The following FBXL13 variants were observed in gnomAD, a reference collection of about 807,000 sequenced individuals.
FBXL13 encodes the protein F-box and leucine-rich repeat protein 13.
Under a neutral mutation model 83.6 loss-of-function variants are expected in FBXL13, and 67 were observed. That is an observed-to-expected ratio of 0.80 (90% CI 0.66 to 0.98). FBXL13 has a LOEUF of 0.98. Among genes scored for constraint, FBXL13 ranks in the 50% least tolerant of loss-of-function variants. The pLI, the probability that FBXL13 is intolerant of heterozygous loss-of-function variation, is 0.00. For missense variants in FBXL13, 822 were observed against 866.5 expected, an observed-to-expected ratio of 0.95 and a Z score of 0.64; for synonymous variants, 272 against 299.5, an observed-to-expected ratio of 0.91 and a Z score of 0.95.
chr7:102,918,091 A>G (rs989571765), intron 10 of FBXL13, among the ~76,000 whole-genome samples: 5 of 152,216 alleles, frequency 3.3e-5, no homozygotes, highest in Non-Finnish European at 2.9e-5. Context: ...ATGAAGAGAG[A>G]ATGACAGCAG....
At chr7:102,980,709 A>G (rs1445651652) in intron 6 of FBXL13, among the ~76,000 whole-genome samples, 2 of 152,214 alleles carry the variant, frequency 1.3e-5, no homozygotes, top group South Asian at 2.1e-4. Flanking sequence ...CCTGGGAGCC[A>G]GAGCTTGCAG....
At position 102,884,300 on chromosome 7, in the gene FBXL13, C is replaced by A. The variant is rs562927680; in HGVS notation, c.1021G>T (p.Gly341Cys). 27 of 1,613,332 alleles carry A rather than the reference C, an allele frequency of 1.7e-5. No individual in the cohort carries two copies. In the South Asian group the frequency reaches 2.6e-4, roughly 16 times the overall value. ...CAGCTGTTTGCAATGTACCTGAAGC[C>A]TTGGACTGAAATCTGAATTGTACAG... Residue 341 changes from glycine (G) to cysteine (C), a missense_variant, in exon 12 of 20, where the codon GGC becomes TGC. Coordinates refer to ENST00000313221, the Ensembl canonical transcript of FBXL13.
intron 1 of FBXL13, among the ~76,000 whole-genome samples, chr7:103,073,919 T>A (rs940421609): frequency 1.3e-5 from 2 of 151,914 alleles, no homozygotes; most frequent in African/African-American, 2.4e-5. Context: ...AACATCCCCA[T>A]CCCCACTCAA....
At chr7:102,968,001 G>A in intron 7 of FBXL13, 21 bp downstream of exon 8, 1 of 1,573,386 alleles carries the variant, frequency 6.4e-7, no homozygotes, top group Non-Finnish European at 8.7e-7. Context: ...TAAAGACATA[G>A]TTCAGTTAGT....
intron 8 of FBXL13, among the ~76,000 whole-genome samples, chr7:102,932,884 C>T (rs1204219631): frequency 6.6e-6 from 1 of 152,148 alleles, no homozygotes; most frequent in Non-Finnish European, 1.5e-5. Flanking sequence ...CATGAGCCAC[C>T]GCACCTGGCC....
intron 6 of FBXL13, among the ~76,000 whole-genome samples, chr7:102,990,923 T>C (rs1301807031): frequency 1.3e-5 from 2 of 152,182 alleles, no homozygotes; most frequent in African/African-American, 4.8e-5. Flanking sequence ...GAAATCCTCA[T>C]GCAGCATGTT....
intron 8 of FBXL13, among the ~76,000 whole-genome samples, chr7:102,949,010 C>T (rs570965512): frequency 1.3e-5 from 2 of 152,286 alleles, no homozygotes; most frequent in South Asian, 4.1e-4. Context: ...CTGTGCCCAG[C>T]CTTAAATATT....
In FBXL13 at chr7:102,892,156, C is replaced by T. The variant is rs146557198; in HGVS notation, c.1009-7844G>A. On this transcript the variant is annotated intron_variant, in intron 11 of 19. Transcript: ENST00000313221. ...AGAAAGAATAAAATTTTTTCAAACC[C>T]TTTTTTCAGGAATAGGAAACACGAT... Among the ~76,000 whole-genome samples, 580 of 152,112 alleles carry T rather than the reference C, an allele frequency of 3.8e-3. 5 individuals carry two copies. The highest frequency in any genetic ancestry group is 0.014 in the African/African-American group (573 of 41,492).
intron 17 of FBXL13, among the ~76,000 whole-genome samples, chr7:102,847,901 C>T (rs1804316635): frequency 6.6e-6 from 1 of 152,092 alleles, no homozygotes; most frequent in African/African-American, 2.4e-5. Context: ...AATGTATAAT[C>T]ACATAGCATC....
intron 7 of FBXL13, 47 bp from the exon 9 acceptor site, chr7:102,963,712 A>G: frequency 1.3e-6 from 2 of 1,546,292 alleles, no homozygotes; most frequent in Non-Finnish European, 1.7e-6. Context: ...AAGTCCCCAA[A>G]AACAATTGCA....
intron 6 of FBXL13, among the ~76,000 whole-genome samples, chr7:102,984,462 C>T (rs1231121979): frequency 1.3e-5 from 2 of 152,084 alleles, no homozygotes; most frequent in Non-Finnish European, 2.9e-5. Flanking sequence ...CCAAGAAGTC[C>T]AAGACCTTCT....
At chr7:102,899,397 T>A (rs750251054) in intron 11 of FBXL13, among the ~76,000 whole-genome samples, 4 of 152,190 alleles carry the variant, frequency 2.6e-5, no homozygotes, top group African/African-American at 4.8e-5. Context: ...TTCAAACATA[T>A]CATCTCTCCC....
chr7:102,866,485 CTTG>C (rs1478791679), intron 16 of FBXL13, among the ~76,000 whole-genome samples: 8 of 152,188 alleles, frequency 5.3e-5, no homozygotes, highest in Non-Finnish European at 1.0e-4. Flanking sequence ...GGGCAGACTT[CTTG>C]TTATGTGCTT....
chr7:103,026,200 G>A (rs1051160820), intron 5 of FBXL13, among the ~76,000 whole-genome samples: 20 of 151,920 alleles, frequency 1.3e-4, no homozygotes, highest in African/African-American at 3.9e-4. Flanking sequence ...GTGCAGTGGC[G>A]TGATCTCGGC....
At chr7:102,978,077 G>A (rs1451650184) in intron 6 of FBXL13, among the ~76,000 whole-genome samples, 1 of 152,108 alleles carries the variant, frequency 6.6e-6, no homozygotes, top group Non-Finnish European at 1.5e-5. Context: ...TGCACGTTGT[G>A]CACATGTACC....
intron 6 of FBXL13, among the ~76,000 whole-genome samples, chr7:103,009,576 AG>A (rs1791369436): frequency 2.0e-5 from 3 of 152,046 alleles, no homozygotes; most frequent in Non-Finnish European, 2.9e-5. Flanking sequence ...GACATTTTTG[AG>A]GGGCAACTCC....
At chr7:102,846,874 G>A (rs1160865844) in intron 17 of FBXL13, among the ~76,000 whole-genome samples, 1 of 152,174 alleles carries the variant, frequency 6.6e-6, no homozygotes, top group Non-Finnish European at 1.5e-5. Flanking sequence ...GACAGCCACA[G>A]GCTCAATGCT....
intron 7 of FBXL13, 28 bp downstream of exon 8, chr7:102,967,994 A>C (rs1451957850): frequency 3.3e-6 from 5 of 1,529,982 alleles, no homozygotes; most frequent in Non-Finnish European, 4.5e-6. Context: ...ACTAGTGTAA[A>C]GACATAGTTC....
At chr7:102,984,358 TTATC>T (rs1475717082) in intron 6 of FBXL13, among the ~76,000 whole-genome samples, 1 of 152,178 alleles carries the variant, frequency 6.6e-6, no homozygotes, top group African/African-American at 2.4e-5. Flanking sequence ...ACCTATCTAT[TTATC>T]TACCTATCTA....
Sources: allele counts gnomAD v4.1 joint callset (sites outside exome capture counted in the v4.1 genomes callset), GRCh38; gene constraint gnomAD v4.1.1; transcripts MANE v1.5; gene names NCBI Gene and HGNC (gene_info 2026-07-23, HGNC 2026-07-21).